The following GLP2R variants were observed in gnomAD, a reference collection of about 807,000 sequenced individuals.
GLP2R encodes glucagon-like peptide 2 receptor.
Under a neutral mutation model 68.2 loss-of-function variants are expected in GLP2R, and 59 were observed. That is an observed-to-expected ratio of 0.87 (90% CI 0.70 to 1.07). GLP2R has a LOEUF of 1.07. GLP2R is among the 50% of genes least tolerant of loss of function. The probability of loss-of-function intolerance (pLI) is 0.00; values close to 1 mark genes in which losing one functional copy is unlikely to be tolerated. For missense variants in GLP2R, 548 were observed against 677.4 expected (o/e 0.81, Z 2.12); for synonymous variants, 270 against 265.4 (o/e 1.02, Z -0.17).
At chr17:9,861,538 C>A (rs1012990359) in intron 8 of GLP2R, among the ~76,000 whole-genome samples, 12 of 152,142 alleles carry the variant, frequency 7.9e-5, no homozygotes, top group African/African-American at 2.9e-4. Context: ...GAATGCTCAT[C>A]AATATGGGAA....
At chr17:9,827,885 C>A (rs1227491318) in intron 1 of GLP2R, among the ~76,000 whole-genome samples, 1 of 147,208 alleles carries the variant, frequency 6.8e-6, no homozygotes, top group Non-Finnish European at 1.5e-5. Flanking sequence ...TTGCTTGAAC[C>A]TGGAGGTGGA....
intron 4 of GLP2R, among the ~76,000 whole-genome samples, chr17:9,852,569 A>T (rs1290921280): frequency 6.6e-6 from 1 of 152,256 alleles, no homozygotes; most frequent in African/African-American, 2.4e-5. Context: ...ACTCAAAGTA[A>T]GCAAAAGAAA....
chr17:9,843,016 C>T (rs1221354958), intron 4 of GLP2R, among the ~76,000 whole-genome samples: 3 of 151,110 alleles, frequency 2.0e-5, no homozygotes, highest in Admixed American at 1.3e-4. Context: ...CACATCCCCC[C>T]GACCCACCAC....
Position 9,857,524 on chromosome 17 carries a change from C to G in GLP2R, c.713C>G (p.Ser238Cys). The change falls in exon 6 of 13, where the codon TCT (serine) becomes TGT (cysteine). Residue 238 changes from serine to cysteine, a missense_variant. Transcript: ENST00000262441. ...VLVKDVVFYN[S>C]YSKRPDNENG... Reference sequence around the variant, plus strand: ...GTGAAGGACGTCGTCTTCTACAACTCTTACTCCAAGAGGCCTGACAATGAG... The same window carrying G: ...GTGAAGGACGTCGTCTTCTACAACTGTTACTCCAAGAGGCCTGACAATGAG... 1.9e-6 allele frequency: 3 copies of G among 1,614,152 alleles called. No individual in the cohort carries two copies. The highest frequency in any genetic ancestry group is 2.5e-6 in the Non-Finnish European group (3 of 1,180,008).
At chr17:9,837,197 G>A (rs1479376028) in intron 3 of GLP2R, among the ~76,000 whole-genome samples, 1 of 152,138 alleles carries the variant, frequency 6.6e-6, no homozygotes, top group East Asian at 1.9e-4. Context: ...TGCTATCAAA[G>A]AGTAGCTCTT....
Position 9,826,077 on chromosome 17 carries a change from C to G in GLP2R, c.14C>G (p.Ser5Trp). Residue 5 changes from serine to tryptophan, a missense_variant, in exon 1 of 13, where the codon TCG (serine) becomes TGG (tryptophan). Ser to Trp is a radical substitution (Grantham distance 177, BLOSUM62 -3). Coordinates refer to ENST00000262441, the MANE Select transcript of GLP2R (RefSeq NM_004246.3). MKLG[S>W]SRAGPGRGSA... Reference sequence around the variant, plus strand: ...TGCACGAGGAAGATGAAGCTGGGATCGAGCAGGGCAGGGCCTGGGAGAGGA... The same window carrying G: ...TGCACGAGGAAGATGAAGCTGGGATGGAGCAGGGCAGGGCCTGGGAGAGGA... The G allele has an allele frequency of 6.2e-7, 1 of 1,611,380 alleles. No homozygotes were observed. The highest frequency in any genetic ancestry group is 8.5e-7 in the Non-Finnish European group (1 of 1,179,220).
At chr17:9,853,766 A>G (rs1369204078) in intron 4 of GLP2R, among the ~76,000 whole-genome samples, 1 of 152,250 alleles carries the variant, frequency 6.6e-6, no homozygotes, top group African/African-American at 2.4e-5. Context: ...ATTTAACTCC[A>G]ATGGTGAATT....
At chr17:9,860,204 C>A in intron 7 of GLP2R, 103 bp downstream of exon 7, 2 of 1,116,942 alleles carry the variant, frequency 1.8e-6, no homozygotes, top group Middle Eastern at 2.2e-4. Context: ...GAGGTTGCTT[C>A]TGGGACATAT....
chr17:9,889,497 A>T lies in GLP2R; in HGVS notation c.1454A>T (p.Asp485Val). ...TGTCCCAAGAAGCTCTCGGAAGGAG[A>T]TGGCGCTGAGAAGCTTCGGAAGCTG... ...GKCPKKLSEG[D>V]GAEKLRKLQP... The change falls in exon 13 of 13, where the codon GAT becomes GTT. Residue 485 changes from aspartate to valine, a missense_variant. Physicochemically the swap from Asp to Val is radical, Grantham distance 152. Transcript: ENST00000262441. 6.2e-7 allele frequency: 1 copy of T among 1,614,182 alleles called. No individual in the cohort carries two copies. The highest frequency in any genetic ancestry group is 8.5e-7 in the Non-Finnish European group (1 of 1,180,020).
At position 9,844,668 on chromosome 17, in the gene GLP2R, C is replaced by CTTTTTTTTT. The variant is rs71139004; in HGVS notation, c.504+2082_504+2090dup. ...ATTCTCAATATTTTACTACCTAATT[C>CTTTTTTTTT]TTTTTTTTTTTTTTTTTTTTTTTTT... On this transcript the variant is annotated intron_variant, in intron 4 of 12. Transcript: ENST00000262441. 9.2e-3 allele frequency among the ~76,000 whole-genome samples: 406 copies of CTTTTTTTTT among 44,312 alleles called. 139 individuals carry two copies. The highest frequency in any genetic ancestry group is 0.016 in the Non-Finnish European group (343 of 21,402). 29.1% of individuals were successfully genotyped at this position (44,312 alleles called of 152,430 possible). A position where few individuals can be genotyped will look rare whatever the true frequency, so the allele number is the denominator to read the frequency against.
At chr17:9,831,099 T>C (rs2066675712) in intron 1 of GLP2R, among the ~76,000 whole-genome samples, 1 of 152,208 alleles carries the variant, frequency 6.6e-6, no homozygotes, top group South Asian at 2.1e-4. Context: ...AAGTCGGCTG[T>C]GTGATTGTTG....
chr17:9,849,372 A>G (rs2066871034), intron 4 of GLP2R, among the ~76,000 whole-genome samples: 1 of 152,040 alleles, frequency 6.6e-6, no homozygotes, highest in Non-Finnish European at 1.5e-5. Context: ...ATTCTACACA[A>G]CTACATTACC....
Position 9,870,735 on chromosome 17 carries a change from C to A in GLP2R, c.1057-12C>A. The A allele has an allele frequency of 7.4e-7, 1 of 1,357,922 alleles. No homozygotes were observed. The allele number at this position is 1,357,922 out of a possible 1,614,324, so 84.1% of individuals were successfully genotyped here. A position where few individuals can be genotyped will look rare whatever the true frequency, so the allele number is the denominator to read the frequency against. ...CGTCACTTACTTACCCAATTCTGCT[C>A]TTTTTTTCAAGGTCAATTTCTTCAT... On this transcript the variant is annotated splice_polypyrimidine_tract_variant and intron_variant, in intron 9 of 12. Transcript: ENST00000262441.
chr17:9,856,894 G>C (rs2066938290), intron 5 of GLP2R, among the ~76,000 whole-genome samples: 1 of 152,090 alleles, frequency 6.6e-6, no homozygotes. Flanking sequence ...GAACACGGCT[G>C]GCATGTTGAA....
intron 11 of GLP2R, among the ~76,000 whole-genome samples, chr17:9,883,533 CA>C (rs1028504601): frequency 6.6e-6 from 1 of 151,980 alleles, no homozygotes; most frequent in Non-Finnish European, 1.5e-5. Flanking sequence ...AAGCATAAAA[CA>C]AAGAAATTCA....
At chr17:9,865,943 A>G in intron 9 of GLP2R, 1 of 470,966 alleles carries the variant, frequency 2.1e-6, no homozygotes, top group South Asian at 1.6e-5. Context: ...ACCCCAGAGA[A>G]AGGCATTAGA....
At chr17:9,848,074 G>A (rs1232562359) in intron 4 of GLP2R, among the ~76,000 whole-genome samples, 2 of 152,208 alleles carry the variant, frequency 1.3e-5, no homozygotes, top group African/African-American at 4.8e-5. Context: ...TACTGGATTT[G>A]AGTTAACAGA....
At chr17:9,835,681 G>A (rs2066722232) in intron 2 of GLP2R, among the ~76,000 whole-genome samples, 1 of 152,068 alleles carries the variant, frequency 6.6e-6, no homozygotes, top group African/African-American at 2.4e-5. Context: ...TTAGCTGATT[G>A]TGGAACATAA....
At chr17:9,889,285 AG>A in intron 12 of GLP2R, 84 bp from the exon 13 acceptor site, 1 of 856,650 alleles carries the variant, frequency 1.2e-6, no homozygotes, top group South Asian at 1.6e-5. Context: ...GGTGGCACAG[AG>A]TAGCTACTCA....
Sources: allele counts gnomAD v4.1 joint callset (sites outside exome capture counted in the v4.1 genomes callset), GRCh38; gene constraint gnomAD v4.1.1; transcripts MANE v1.5; gene names NCBI Gene and HGNC (gene_info 2026-07-23, HGNC 2026-07-21).